The following AFF2 variants were observed in gnomAD, a reference collection of about 807,000 sequenced individuals.
AFF2 encodes ALF transcription elongation factor 2.
A neutral mutation model predicts 76.9 loss-of-function variants in AFF2; 14 were observed. That is an observed-to-expected ratio of 0.18 (90% CI 0.12 to 0.28). AFF2 has a LOEUF of 0.28. Ranked by LOEUF, AFF2 falls within the 10% of genes least tolerant of loss-of-function variation. The pLI is 1.00. For missense variants in AFF2, 868 were observed against 1,001.1 expected (o/e 0.87, Z 1.79); for synonymous variants, 398 against 366.7 (o/e 1.09, Z -0.98).
chrX:148,936,594 T>A (rs184242609), intron 9 of AFF2, among the ~76,000 whole-genome samples: 55 of 112,796 alleles, frequency 4.9e-4, no homozygotes, highest in East Asian at 4.5e-3. Flanking sequence ...CATCCGTAAT[T>A]TCTTCTGTTG....
intron 1 of AFF2, among the ~76,000 whole-genome samples, chrX:148,504,394 C>T (rs1180922260): frequency 2.7e-5 from 3 of 112,085 alleles, no homozygotes; most frequent in Non-Finnish European, 5.6e-5. Flanking sequence ...AAAATCAGAA[C>T]GTTCAAAAGC....
intron 7 of AFF2, among the ~76,000 whole-genome samples, chrX:148,868,872 C>T (rs1019531415): frequency 1.7e-4 from 19 of 112,021 alleles, no homozygotes; most frequent in Non-Finnish European, 2.3e-4. Context: ...AAGTTCCCTC[C>T]AGCCTTTTAT....
intron 16 of AFF2, among the ~76,000 whole-genome samples, chrX:148,974,327 A>G (rs1035779751): frequency 3.6e-5 from 4 of 111,386 alleles, no homozygotes; most frequent in African/African-American, 1.3e-4. Context: ...ATTTGCAGAT[A>G]TTTGTACAAT....
At chrX:148,549,066 A>G (rs2052960854) in intron 1 of AFF2, among the ~76,000 whole-genome samples, 1 of 112,204 alleles carries the variant, frequency 8.9e-6, no homozygotes. Flanking sequence ...CTCATAATCT[A>G]GGAATCGGCC....
At chrX:148,981,808 C>A (rs1436278964) in intron 19 of AFF2, among the ~76,000 whole-genome samples, 3 of 112,482 alleles carry the variant, frequency 2.7e-5, no homozygotes, top group Admixed American at 1.9e-4. Flanking sequence ...TTATAAATAT[C>A]TAGAAAACGT....
chrX:148,980,688 A>T (rs1268518080), intron 18 of AFF2, 50 bp from the exon 19 acceptor site: 7 of 1,036,778 alleles, frequency 6.8e-6, no homozygotes, highest in Middle Eastern at 2.8e-4. Flanking sequence ...GAATTAATAA[A>T]ACACAAAATA....
rs187723904 is a variant in AFF2, at chrX:148,529,430, A to G, written c.47+28286A>G. ...ATGTACAAAAACAAAGTATAGGTCA[A>G]CACAGCTACAGCAACTGGCTAATCA... is the stretch of plus-strand genomic sequence containing the variant. On this transcript the variant is annotated intron_variant, in intron 1 of 20. Coordinates refer to ENST00000370460, the MANE Select transcript of AFF2 (RefSeq NM_002025.4). Among the ~76,000 whole-genome samples the G allele has an allele frequency of 2.7e-5, 3 of 112,472 alleles. No individual in the cohort carries two copies. In the East Asian group the frequency reaches 8.4e-4, roughly 31 times the overall value.
At chrX:148,708,988 T>C (rs1181796664) in intron 3 of AFF2, among the ~76,000 whole-genome samples, 1 of 111,994 alleles carries the variant, frequency 8.9e-6, no homozygotes, top group African/African-American at 3.2e-5. Context: ...CATTGTACTT[T>C]AACCTGACGG....
chrX:148,662,848 G>A (rs1557258025), intron 3 of AFF2, 80 bp downstream of exon 3: 2 of 1,036,625 alleles, frequency 1.9e-6, no homozygotes, highest in Non-Finnish European at 1.3e-6. Flanking sequence ...GTATTCACAA[G>A]CAGCTCTCAT....
chrX:148,836,096 C>T (rs1403017023), intron 4 of AFF2, among the ~76,000 whole-genome samples: 1 of 112,028 alleles, frequency 8.9e-6, no homozygotes. Flanking sequence ...ACTTTGCAGC[C>T]AGTTTTGATG....
At chrX:148,937,120 G>GA (rs1192511148) in intron 9 of AFF2, among the ~76,000 whole-genome samples, 5 of 111,482 alleles carry the variant, frequency 4.5e-5, no homozygotes, top group Non-Finnish European at 9.4e-5. Context: ...ATAAAGGCAG[G>GA]AAAAAAGTCT....
intron 3 of AFF2, among the ~76,000 whole-genome samples, chrX:148,698,722 A>G (rs1296486344): frequency 9.1e-6 from 1 of 110,283 alleles, no homozygotes; most frequent in Non-Finnish European, 1.9e-5. Flanking sequence ...ATGTTTACAG[A>G]TGTGTTTCCC....
Position 148,851,989 on chromosome X carries a change from T to C in AFF2, c.1262+8556T>C, listed in dbSNP as rs1557275431. Among the ~76,000 whole-genome samples the C allele has an allele frequency of 2.7e-5, 3 of 110,700 alleles. No homozygotes were observed. In the East Asian group the frequency reaches 8.6e-4, roughly 32 times the overall value. The stretch of plus-strand genomic sequence containing the variant: ...AGAACATGCAGTATTTGGTTTTCTG[T>C]TCCTGTGCTAGTTTGCTAAGGATAA... On this transcript the variant is annotated intron_variant, in intron 7 of 20. Coordinates refer to ENST00000370460, the MANE Select transcript of AFF2 (RefSeq NM_002025.4).
chrX:148,569,981 A>C (rs1323070755), intron 1 of AFF2, among the ~76,000 whole-genome samples: 1 of 111,667 alleles, frequency 9.0e-6, no homozygotes, highest in East Asian at 2.8e-4. Context: ...GGCTTGATTG[A>C]TATATACTCA....
At chrX:148,985,315 T>TTTTTTTA (rs2072456495) in intron 19 of AFF2, among the ~76,000 whole-genome samples, 1 of 80,727 alleles carries the variant, frequency 1.2e-5, no homozygotes, top group Non-Finnish European at 2.4e-5. Flanking sequence ...TTTTTTTTTT[T>TTTTTTTA]TTTTATGATA....
chrX:148,921,719 T>C (rs2071598055), intron 9 of AFF2, among the ~76,000 whole-genome samples: 1 of 112,636 alleles, frequency 8.9e-6, no homozygotes, highest in South Asian at 3.6e-4. Flanking sequence ...AAGTAAATGA[T>C]AACTTGATAC....
intron 3 of AFF2, among the ~76,000 whole-genome samples, chrX:148,785,130 C>T (rs1272691213): frequency 1.7e-4 from 19 of 112,372 alleles, no homozygotes; most frequent in Non-Finnish European, 7.5e-5. Flanking sequence ...TACGCATGCG[C>T]ATGCACATAT....
intron 1 of AFF2, among the ~76,000 whole-genome samples, chrX:148,618,814 G>C (rs782395971): frequency 9.0e-6 from 1 of 110,867 alleles, no homozygotes; most frequent in South Asian, 3.8e-4. Context: ...TACTGAACAG[G>C]GATAAATTTC....
In AFF2 at chrX:148,995,989, T is replaced by G. The variant is rs781892643; in HGVS notation, c.*4657T>G. On this transcript the variant is annotated 3_prime_UTR_variant, in exon 21 of 21. Transcript: ENST00000370460. ...TTGGGGAACTCATTGTTCTCCAGTC[T>G]CTGCAGCAGGAAGCCAGCTGTCATA... 1 of 112,799 alleles carries G rather than the reference T, an allele frequency of 8.9e-6. No individual in the cohort carries two copies. The highest frequency in any genetic ancestry group is 1.9e-5 in the Non-Finnish European group (1 of 53,323). The allele number at this position is 112,799 out of a possible 1,213,427, so 9.3% of individuals were successfully genotyped here. A position where few individuals can be genotyped will look rare whatever the true frequency, so the allele number is the denominator to read the frequency against.
Sources: gnomAD v4.1 joint callset for allele counts (sites outside exome capture counted in the v4.1 genomes callset) on GRCh38, gnomAD v4.1.1 for gene constraint, MANE v1.5 for transcripts, NCBI Gene and HGNC (gene_info 2026-07-23, HGNC 2026-07-21) for gene names.